MYLIP: variants seen among roughly 807,000 people sequenced by gnomAD.
The protein encoded by MYLIP is myosin regulatory light chain interacting protein, also known as E3 ubiquitin-protein ligase MYLIP.
Under a neutral mutation model 45.8 loss-of-function variants are expected in MYLIP, and 26 were observed. That is an observed-to-expected ratio of 0.57 (90% CI 0.42 to 0.79). The LOEUF (loss-of-function observed/expected upper bound fraction) is 0.79, where lower values mean the gene tolerates loss of function less well. MYLIP is among the 30% of genes least tolerant of loss of function. The probability of loss-of-function intolerance (pLI) is 0.00; values close to 1 mark genes in which losing one functional copy is unlikely to be tolerated. For missense variants in MYLIP, 494 were observed against 555.6 expected (o/e 0.89, Z 1.11); for synonymous variants, 213 against 218.1 (o/e 0.98, Z 0.21).
At chr6:16,148,876 A>G (rs1347639600), downstream of MYLIP, among the ~76,000 whole-genome samples, 2 of 152,232 alleles carry the variant, frequency 1.3e-5, no homozygotes, top group East Asian at 1.9e-4. Context: ...AATATTGTAC[A>G]TAATATATAT....
rs374504865 is a variant in MYLIP at position 16,129,902 on chromosome 6, A to G, written c.87+493A>G. On this transcript the variant is annotated intron_variant, in intron 1 of 6. Transcript: ENST00000356840. This position sits in a 1 kb window ranked among gnomAD's most constrained non-coding sequence, Gnocchi z 5.1. ...TTCTCAGGCTGCTGCTCTCAAATGC[A>G]CCGTTCACCTGCATCTCCGGGTTTG... Among the ~76,000 whole-genome samples, 1 of 152,032 alleles carries G rather than the reference A, an allele frequency of 6.6e-6. No homozygotes were observed. The highest frequency in any genetic ancestry group is 2.1e-4 in the South Asian group (1 of 4,822).
At position 16,129,793 on chromosome 6, in the gene MYLIP, T is replaced by G. The variant is rs1429595512; in HGVS notation, c.87+384T>G. Among the ~76,000 whole-genome samples the G allele has an allele frequency of 1.3e-5, 2 of 152,216 alleles. No homozygotes were observed. Among genetic ancestry groups the G allele is most frequent in the Non-Finnish European group, 2.9e-5 (2 of 68,034 alleles). ...GCGGCGCCTGGCAGTGCCACCCGCG[T>G]GCCAGGATGGGATGGAGTGGCTCGA... On this transcript the variant is annotated intron_variant, in intron 1 of 6. Coordinates refer to ENST00000356840, the MANE Select transcript of MYLIP (RefSeq NM_013262.4). This position sits in a 1 kb window ranked among gnomAD's most constrained non-coding sequence, Gnocchi z 5.1.
Position 16,143,789 on chromosome 6 carries a change from C to A in MYLIP, c.753C>A (p.Leu251=). 6.2e-7 allele frequency: 1 copy of A among 1,613,798 alleles called. No individual in the cohort carries two copies. Among genetic ancestry groups the A allele is most frequent in the Non-Finnish European group, 8.5e-7 (1 of 1,179,998 alleles). Residue 251 remains leucine (L), a synonymous_variant, in exon 5 of 7, where the codon CTC becomes CTA. Transcript: ENST00000356840. ...AGGAATCTGGGAACAGCATCGTGCT[C>A]TTGTTTAAAATGATCAGCACCAGGG... ...VTKESGNSIV[L]LFKMISTRAA...
At chr6:16,162,561 A>T in the MYLIP span, among the ~76,000 whole-genome samples, 1 of 152,166 alleles carries the variant, frequency 6.6e-6, no homozygotes. Flanking sequence ...CTAATGTAAA[A>T]CATGCAGCAG....
rs145390818 is a variant in MYLIP at position 16,135,808 on chromosome 6, A to C, written c.278+5061A>C. ...GCTATATATTCTATATAGTGTATATATACAGTATATATTCTATATAGTGTA... is the reference window on the plus strand; with the variant it reads ...GCTATATATTCTATATAGTGTATATCTACAGTATATATTCTATATAGTGTA... On this transcript the variant is annotated intron_variant, in intron 2 of 6. Coordinates refer to ENST00000356840, the MANE Select transcript of MYLIP (RefSeq NM_013262.4). 1.3e-3 allele frequency among the ~76,000 whole-genome samples: 194 copies of C among 145,388 alleles called. 1 individual carries two copies. Among genetic ancestry groups the C allele is most frequent in the African/African-American group, 4.6e-3 (186 of 40,184 alleles).
In MYLIP at chr6:16,129,258, GACAAGGCGGCAGCCCCGCGC is replaced by G; in HGVS notation, c.-61_-42del. 1 of 1,511,302 alleles carries G rather than the reference GACAAGGCGGCAGCCCCGCGC, an allele frequency of 6.6e-7. No individual in the cohort carries two copies. The highest frequency in any genetic ancestry group is 2.0e-4 in the Middle Eastern group (1 of 5,018). The allele number at this position is 1,511,302 out of a possible 1,614,324, so 93.6% of individuals were successfully genotyped here. A position where few individuals can be genotyped will look rare whatever the true frequency, so the allele number is the denominator to read the frequency against. On this transcript the variant is annotated 5_prime_UTR_variant, in exon 1 of 7. Transcript: ENST00000356840. The surrounding 1 kb of genome is among the most constrained non-coding windows in gnomAD (Gnocchi z 5.1). ...GAGTCCGGGGCTGGGTCCCACCAGT[GACAAGGCGGCAGCCCCGCGC>G]ACACCAAAGAGAAGGCGGCTGTGGC...
downstream of MYLIP, among the ~76,000 whole-genome samples, chr6:16,148,574 T>A (rs1759841655): frequency 6.6e-6 from 1 of 152,040 alleles, no homozygotes. Flanking sequence ...AATGGGGTCA[T>A]GAACATAAGC....
Position 16,129,398 on chromosome 6 carries a change from T to G in MYLIP, c.76T>G (p.Cys26Gly). 6.3e-7 allele frequency: 1 copy of G among 1,588,558 alleles called. No individual in the cohort carries two copies. The highest frequency in any genetic ancestry group is 8.6e-7 in the Non-Finnish European group (1 of 1,167,856). The change falls in exon 1 of 7, where the codon TGC becomes GGC. Residue 26 changes from cysteine (C) to glycine (G), a missense_variant. Coordinates refer to ENST00000356840, the MANE Select transcript of MYLIP (RefSeq NM_013262.4). This position sits in a 1 kb window ranked among gnomAD's most constrained non-coding sequence, Gnocchi z 5.1. ...GGAGGCGAAAGCCAACGGCGAGGACTGCCTCAACCAGGTGAGGGCGAGGGG... is the reference window on the plus strand; with the variant it reads ...GGAGGCGAAAGCCAACGGCGAGGACGGCCTCAACCAGGTGAGGGCGAGGGG... The part of the protein sequence containing the change: ...EVEAKANGED[C>G]LNQVCRRLGI...
downstream of MYLIP, among the ~76,000 whole-genome samples, chr6:16,150,988 G>A (rs1759871136): frequency 6.6e-6 from 1 of 152,106 alleles, no homozygotes; most frequent in South Asian, 2.1e-4. Context: ...AAAAGCATGA[G>A]CTCTTCCAAG....
chr6:16,137,154 A>G (rs1390591093), intron 2 of MYLIP, among the ~76,000 whole-genome samples: 1 of 152,196 alleles, frequency 6.6e-6, no homozygotes, highest in Non-Finnish European at 1.5e-5. Context: ...TAGCTTTTAC[A>G]TTTAGACCCG....
chr6:16,157,644 A>G, the MYLIP span, among the ~76,000 whole-genome samples: 1 of 152,218 alleles, frequency 6.6e-6, no homozygotes, highest in African/African-American at 2.4e-5. Context: ...TGCTTCTTGG[A>G]TCTGACTGGA....
At chr6:16,149,531 C>A (rs968555001), downstream of MYLIP, among the ~76,000 whole-genome samples, 2 of 152,214 alleles carry the variant, frequency 1.3e-5, no homozygotes, top group East Asian at 3.8e-4. Flanking sequence ...CTGGCCCACC[C>A]GCTGCATGTC....
intron 4 of MYLIP, among the ~76,000 whole-genome samples, 181 bp from the exon 5 acceptor site, chr6:16,143,518 A>G (rs905480730): frequency 2.0e-5 from 3 of 152,166 alleles, no homozygotes; most frequent in Non-Finnish European, 4.4e-5. Context: ...CCCTCCACAT[A>G]TGCCCAACTG....
intron 2 of MYLIP, among the ~76,000 whole-genome samples, chr6:16,135,748 C>CATATATATATATATATATATATATATAT (rs765116596): frequency 8.8e-5 from 10 of 113,134 alleles, no homozygotes; most frequent in Admixed American, 4.1e-4. Flanking sequence ...TGTGTGTATA[C>CATATATATATATATATATATATATATAT]ATATATCTAT....
the MYLIP span, chr6:16,161,236 G>A: frequency 3.1e-6 from 1 of 326,068 alleles, no homozygotes; most frequent in Non-Finnish European, 6.1e-6. Context: ...TCATCCTTCT[G>A]GTAATACACC....
the MYLIP span, among the ~76,000 whole-genome samples, chr6:16,154,856 A>G: frequency 4.6e-5 from 7 of 152,282 alleles, no homozygotes; most frequent in Admixed American, 4.6e-4. Flanking sequence ...ATATATGTGT[A>G]TATATTAATT....
At chr6:16,161,646 C>G in the MYLIP span, among the ~76,000 whole-genome samples, 1 of 152,214 alleles carries the variant, frequency 6.6e-6, no homozygotes, top group Non-Finnish European at 1.5e-5. Context: ...GTCGAAAATG[C>G]TAGCACAATT....
the MYLIP span, chr6:16,161,250 G>T: frequency 1.4e-5 from 5 of 350,070 alleles, no homozygotes; most frequent in South Asian, 2.6e-5. Flanking sequence ...ATACACCCGT[G>T]AAATACACCC....
Position 16,145,230 on chromosome 6 carries a change from C to T in MYLIP, c.1161C>T (p.Cys387=), listed in dbSNP as rs565194272. 6.2e-7 allele frequency: 1 copy of T among 1,614,064 alleles called. No individual in the cohort carries two copies. The highest frequency in any genetic ancestry group is 1.1e-5 in the South Asian group (1 of 91,076). ...KLRKLKEAML[C]MVCCEEEINS... Reference sequence around the variant, plus strand: ...GCAAGCTGAAGGAAGCCATGCTGTGCATGGTGTGCTGCGAGGAGGAGATCA... The same window carrying T: ...GCAAGCTGAAGGAAGCCATGCTGTGTATGGTGTGCTGCGAGGAGGAGATCA... Residue 387 remains cysteine, a synonymous_variant, in exon 6 of 7, where the codon TGC becomes TGT. Coordinates refer to ENST00000356840, the MANE Select transcript of MYLIP (RefSeq NM_013262.4).
Sources: gnomAD v4.1 joint callset for allele counts (sites outside exome capture counted in the v4.1 genomes callset) on GRCh38, gnomAD v4.1.1 for gene constraint, Gnocchi (gnomAD v3.1) non-coding constraint, MANE v1.5 for transcripts, NCBI Gene and HGNC (gene_info 2026-07-23, HGNC 2026-07-21) for gene names.